The following PTPRO variants were observed in gnomAD, a reference collection of about 807,000 sequenced individuals.
PTPRO encodes protein tyrosine phosphatase receptor type O.
In PTPRO, 62 loss-of-function variants were observed where a neutral mutation model predicts 145.2. The ratio of observed to expected loss-of-function variants is 0.43; its 90% CI spans 0.35 to 0.53. PTPRO has a LOEUF of 0.53. PTPRO is among the 20% of genes least tolerant of loss of function. The pLI is 0.01. For synonymous variants in PTPRO, 565 were observed against 514.7 expected, an observed-to-expected ratio of 1.10 and a Z score of -1.32; for missense variants, 1,345 against 1,482.7, an observed-to-expected ratio of 0.91 and a Z score of 1.53.
chr12:15,382,553 G>A (rs1367445266), intron 1 of PTPRO, among the ~76,000 whole-genome samples: 1 of 152,198 alleles, frequency 6.6e-6, no homozygotes, highest in Non-Finnish European at 1.5e-5. Context: ...TGGTCACACC[G>A]CAGTAACAGG....
intron 1 of PTPRO, among the ~76,000 whole-genome samples, chr12:15,334,246 G>T (rs1020572051): frequency 6.6e-6 from 1 of 152,002 alleles, no homozygotes; most frequent in East Asian, 1.9e-4. Context: ...GATACCTCAC[G>T]GAAATTTTAA....
chr12:15,558,059 C>T (rs966778360), intron 16 of PTPRO, among the ~76,000 whole-genome samples: 5 of 151,956 alleles, frequency 3.3e-5, no homozygotes, highest in African/African-American at 4.8e-5. Context: ...CTCAGCCTCC[C>T]GAGTAGCTGG....
intron 19 of PTPRO, among the ~76,000 whole-genome samples, chr12:15,575,338 C>G (rs990949817): frequency 2.1e-4 from 32 of 152,214 alleles, no homozygotes; most frequent in African/African-American, 7.7e-4. Flanking sequence ...ACATGGTGAA[C>G]TTCCCGAGGC....
intron 2 of PTPRO, among the ~76,000 whole-genome samples, chr12:15,485,132 T>C (rs897883810): frequency 6.6e-6 from 1 of 152,192 alleles, no homozygotes; most frequent in East Asian, 1.9e-4. Flanking sequence ...TATTATCTGT[T>C]GGGATAAAAG....
chr12:15,459,906 C>G (rs10846180), intron 1 of PTPRO, among the ~76,000 whole-genome samples: 1 of 151,928 alleles, frequency 6.6e-6, no homozygotes, highest in East Asian at 1.9e-4. Flanking sequence ...GAGTGTAGTG[C>G]TCCTCTACCC....
At position 15,499,449 on chromosome 12, in the gene PTPRO, T is replaced by C; in HGVS notation, c.516T>C (p.Phe172=). 4 of 1,613,016 alleles carry C rather than the reference T, an allele frequency of 2.5e-6. No individual in the cohort carries two copies. Among genetic ancestry groups the C allele is most frequent in the Middle Eastern group, 1.7e-4 (1 of 6,056 alleles). ...DFRTMLYKDF[F]KGKTVFNHWL... is the part of the protein sequence containing the mutation. ...TTGATTTTCTCTTCACAGATTTCTT[T>C]AAGGGAAAAACAGTATTTAATCACT... Residue 172 remains phenylalanine (F), a synonymous_variant, in exon 4 of 27, where the codon TTT becomes TTC. Transcript: ENST00000281171.
chr12:15,446,369 C>A (rs935031043), intron 1 of PTPRO, among the ~76,000 whole-genome samples: 26 of 152,014 alleles, frequency 1.7e-4, no homozygotes, highest in Non-Finnish European at 3.4e-4. Flanking sequence ...CTGCCCTGTC[C>A]ACAAAAGAGA....
chr12:15,366,234 A>G (rs949937178), intron 1 of PTPRO, among the ~76,000 whole-genome samples: 2 of 152,244 alleles, frequency 1.3e-5, no homozygotes, highest in East Asian at 3.9e-4. Flanking sequence ...GTGTAGAAAT[A>G]CTTTCGGTTG....
chr12:15,483,647 T>C (rs1474455017), intron 1 of PTPRO, among the ~76,000 whole-genome samples: 5 of 152,132 alleles, frequency 3.3e-5, no homozygotes, highest in Admixed American at 6.6e-5. Flanking sequence ...AGTGTCAAAA[T>C]GACTCATTCA....
rs534571228 is a variant in PTPRO at position 15,348,729 on chromosome 12, C to G, written c.75+25928C>G. Reference sequence around the variant, plus strand: ...GTGAACCCCGGGGGGCGGAGCCTGCCGTGAGCCGAGCTCGCGCCACTGCAT... The same window carrying G: ...GTGAACCCCGGGGGGCGGAGCCTGCGGTGAGCCGAGCTCGCGCCACTGCAT... On this transcript the variant is annotated intron_variant, in intron 1 of 26. Coordinates refer to ENST00000281171, the MANE Select transcript of PTPRO (RefSeq NM_030667.3). 2.0e-5 allele frequency: 3 copies of G among 151,542 alleles called. No individual in the cohort carries two copies. The South Asian group carries it at 6.3e-4, about 32-fold the overall frequency. The allele number at this position is 151,542 out of a possible 1,614,324, so 9.4% of individuals were successfully genotyped here.
At chr12:15,565,704 T>A (rs1374807237) in intron 18 of PTPRO, 76 bp downstream of exon 18, 5 of 1,096,974 alleles carry the variant, frequency 4.6e-6, no homozygotes, top group Non-Finnish European at 6.9e-6. Flanking sequence ...AGATTGCTTG[T>A]CTTCAAAGAG....
At position 15,430,186 on chromosome 12, in the gene PTPRO, A is replaced by G. The variant is rs147633070; in HGVS notation, c.76-53788A>G. ...CATAGGTAGTTGGTAACTAAATCACAGTTTCAGAGAGGAGTCCCTACAGAG... is the reference window on the plus strand; with the variant it reads ...CATAGGTAGTTGGTAACTAAATCACGGTTTCAGAGAGGAGTCCCTACAGAG... On this transcript the variant is annotated intron_variant, in intron 1 of 26. Transcript: ENST00000281171. 4.6e-5 allele frequency among the ~76,000 whole-genome samples: 7 copies of G among 151,888 alleles called. No individual in the cohort carries two copies. The East Asian group carries it at 1.4e-3, about 30-fold the overall frequency.
At chr12:15,516,433 A>AAAGAGAGTGAGAAAG (rs142784372) in intron 8 of PTPRO, among the ~76,000 whole-genome samples, 2 of 144,578 alleles carry the variant, frequency 1.4e-5, no homozygotes, top group African/African-American at 5.1e-5. Flanking sequence ...AAAAAGTGAG[A>AAAGAGAGTGAGAAAG]AAGAGAGTGA....
chr12:15,575,725 C>G (rs1173363652), intron 19 of PTPRO, among the ~76,000 whole-genome samples: 1 of 152,202 alleles, frequency 6.6e-6, no homozygotes, highest in Non-Finnish European at 1.5e-5. Flanking sequence ...AACTTATTCT[C>G]ACAATTGCAG....
chr12:15,458,020 G>A (rs1347002907), intron 1 of PTPRO, among the ~76,000 whole-genome samples: 1 of 152,116 alleles, frequency 6.6e-6, no homozygotes, highest in Non-Finnish European at 1.5e-5. Flanking sequence ...ACTCCCTTAA[G>A]CATTTCTTGT....
intron 19 of PTPRO, among the ~76,000 whole-genome samples, chr12:15,577,731 ACT>A (rs1038422496): frequency 3.3e-5 from 5 of 152,314 alleles, no homozygotes; most frequent in Admixed American, 3.3e-4. Context: ...AGTTATGTAC[ACT>A]GTTTACTAAC....
At chr12:15,473,676 A>T (rs1281692094) in intron 1 of PTPRO, among the ~76,000 whole-genome samples, 1 of 150,536 alleles carries the variant, frequency 6.6e-6, no homozygotes, top group Non-Finnish European at 1.5e-5. Flanking sequence ...CTGAGGCAGC[A>T]GAATTGCTTG....
At chr12:15,408,514 G>A (rs558726937) in intron 1 of PTPRO, among the ~76,000 whole-genome samples, 16 of 152,142 alleles carry the variant, frequency 1.1e-4, no homozygotes, top group East Asian at 3.9e-4. Flanking sequence ...TGCAAACTCC[G>A]CCTCCTGGGT....
At chr12:15,423,290 T>A (rs371436423) in intron 1 of PTPRO, among the ~76,000 whole-genome samples, 94 of 152,164 alleles carry the variant, frequency 6.2e-4, no homozygotes, top group African/African-American at 2.2e-3. Flanking sequence ...TTTCTTGGAG[T>A]TTTTACAATT....
Sources: gnomAD v4.1 joint callset for allele counts (sites outside exome capture counted in the v4.1 genomes callset) on GRCh38, gnomAD v4.1.1 for gene constraint, MANE v1.5 for transcripts, NCBI Gene and HGNC (gene_info 2026-07-23, HGNC 2026-07-21) for gene names.